LMNTD1: variants seen among roughly 807,000 people sequenced by gnomAD.
The protein encoded by LMNTD1 is lamin tail domain containing 1.
A neutral mutation model predicts 50.9 loss-of-function variants in LMNTD1; 35 were observed. The ratio of observed to expected loss-of-function variants is 0.69; its 90% CI spans 0.53 to 0.91. LMNTD1 has a LOEUF of 0.91. Among genes scored for constraint, LMNTD1 ranks in the 40% least tolerant of loss-of-function variants. The pLI, the probability that LMNTD1 is intolerant of heterozygous loss-of-function variation, is 0.00. For missense variants in LMNTD1, 470 were observed against 475.5 expected (o/e 0.99, Z 0.11); for synonymous variants, 153 against 161.9 (o/e 0.94, Z 0.42).
At chr12:25,580,921 C>T (rs1945253866) in intron 1 of LMNTD1, among the ~76,000 whole-genome samples, 1 of 152,184 alleles carries the variant, frequency 6.6e-6, no homozygotes, top group Non-Finnish European at 1.5e-5. Context: ...GGATACCTCC[C>T]TTACCGGGTT....
At chr12:25,620,809 T>C (rs1186283597) in intron 1 of LMNTD1, among the ~76,000 whole-genome samples, 1 of 152,248 alleles carries the variant, frequency 6.6e-6, no homozygotes, top group Non-Finnish European at 1.5e-5. Context: ...ATTTGCTCTA[T>C]TAATGTCAAT....
chr12:25,505,491 A>C (rs1048402114), intron 8 of LMNTD1, among the ~76,000 whole-genome samples: 1 of 152,170 alleles, frequency 6.6e-6, no homozygotes, highest in African/African-American at 2.4e-5. Flanking sequence ...GCAGCACATA[A>C]ACTGTTCTTA....
intron 4 of LMNTD1, among the ~76,000 whole-genome samples, chr12:25,537,603 T>C (rs980762783): frequency 1.3e-4 from 19 of 151,534 alleles, no homozygotes; most frequent in Non-Finnish European, 2.2e-4. Flanking sequence ...CAAAAGTAGA[T>C]AAAACCACAA....
chr12:25,552,295 A>G (rs192553534), intron 2 of LMNTD1, among the ~76,000 whole-genome samples: 391 of 152,236 alleles, frequency 2.6e-3, no homozygotes, highest in Admixed American at 6.4e-3. Context: ...GAAAGAAACT[A>G]TTTCTGTAAA....
At chr12:25,537,951 T>C (rs1056048643) in intron 4 of LMNTD1, among the ~76,000 whole-genome samples, 6 of 148,508 alleles carry the variant, frequency 4.0e-5, no homozygotes, top group African/African-American at 1.5e-4. Flanking sequence ...GCCGATGCGA[T>C]CAACTGGAAG....
At chr12:25,637,201 G>T (rs1946854081) in intron 1 of LMNTD1, among the ~76,000 whole-genome samples, 1 of 152,082 alleles carries the variant, frequency 6.6e-6, no homozygotes, top group East Asian at 1.9e-4. Context: ...GACATTTAAA[G>T]AAACAGGAAA....
At chr12:25,620,593 C>T (rs1162540140) in intron 1 of LMNTD1, among the ~76,000 whole-genome samples, 1 of 152,216 alleles carries the variant, frequency 6.6e-6, no homozygotes, top group Non-Finnish European at 1.5e-5. Context: ...GACTCTTCCA[C>T]GTGTCTATGA....
intron 4 of LMNTD1, among the ~76,000 whole-genome samples, chr12:25,536,480 T>C (rs1442356016): frequency 6.6e-6 from 1 of 152,012 alleles, no homozygotes; most frequent in African/African-American, 2.4e-5. Context: ...AATAACACAC[T>C]TTTCAATTAC....
chr12:25,602,676 T>C (rs894858134), intron 1 of LMNTD1, among the ~76,000 whole-genome samples: 1 of 152,044 alleles, frequency 6.6e-6, no homozygotes, highest in Admixed American at 6.6e-5. Flanking sequence ...CAACTGCCTT[T>C]AGACTCCAAT....
chr12:25,618,667 C>G (rs1169170507), intron 1 of LMNTD1, among the ~76,000 whole-genome samples: 1 of 152,096 alleles, frequency 6.6e-6, no homozygotes, highest in East Asian at 1.9e-4. Flanking sequence ...CAAGGTTGAA[C>G]AGAAAACAAG....
intron 3 of LMNTD1, among the ~76,000 whole-genome samples, chr12:25,549,083 C>T (rs567326727): frequency 6.6e-6 from 1 of 151,972 alleles, no homozygotes; most frequent in Admixed American, 6.6e-5. Flanking sequence ...ATCATGATAA[C>T]TCAAGATACC....
intron 2 of LMNTD1, among the ~76,000 whole-genome samples, chr12:25,552,567 A>T: frequency 9.5e-6 from 1 of 105,646 alleles, no homozygotes; most frequent in African/African-American, 3.4e-5. Flanking sequence ...AGATCGCGCC[A>T]CTGCACTCTG....
chr12:25,484,509 A>C (rs1354532434), intron 9 of LMNTD1, among the ~76,000 whole-genome samples: 1 of 151,812 alleles, frequency 6.6e-6, no homozygotes, highest in Admixed American at 6.6e-5. Context: ...TTTTAAATTT[A>C]TTTTTTTATT....
rs548763644 is a variant in LMNTD1, at chr12:25,635,107, G to A, written c.58+13387C>T. Among the ~76,000 whole-genome samples the A allele has an allele frequency of 2.6e-5, 4 of 152,034 alleles. No homozygotes were observed. In the East Asian group the frequency reaches 7.7e-4, roughly 29 times the overall value. ...AATACAAAATTAGCCGGGCATCGTG[G>A]CACATGCCTGTAATCCCAGCTACTC... On this transcript the variant is annotated intron_variant, in intron 1 of 7. Coordinates refer to the LMNTD1 transcript ENST00000445693.
intron 1 of LMNTD1, among the ~76,000 whole-genome samples, chr12:25,580,765 T>G (rs191729625): frequency 2.0e-4 from 30 of 152,322 alleles, no homozygotes; most frequent in Admixed American, 2.6e-4. Context: ...TGACTTTTCC[T>G]TCTTTGAACC....
chr12:25,608,030 C>A (rs1232777575), intron 1 of LMNTD1, among the ~76,000 whole-genome samples: 4 of 152,080 alleles, frequency 2.6e-5, no homozygotes, highest in Non-Finnish European at 5.9e-5. Context: ...GTATTGGGTG[C>A]ATATATATTT....
At chr12:25,629,809 A>G (rs1946674275) in intron 1 of LMNTD1, among the ~76,000 whole-genome samples, 1 of 152,188 alleles carries the variant, frequency 6.6e-6, no homozygotes, top group African/African-American at 2.4e-5. Flanking sequence ...ACAGAGAGAA[A>G]GAAAAATATA....
intron 1 of LMNTD1, among the ~76,000 whole-genome samples, chr12:25,645,217 G>A (rs1947041699): frequency 6.6e-6 from 1 of 152,240 alleles, no homozygotes; most frequent in Admixed American, 6.5e-5. Flanking sequence ...AGGGAGAGTG[G>A]GGCCAGAAAA....
intron 9 of LMNTD1, among the ~76,000 whole-genome samples, chr12:25,482,211 G>A (rs1455360230): frequency 6.6e-6 from 1 of 151,958 alleles, no homozygotes; most frequent in African/African-American, 2.4e-5. Context: ...TGATGAACTG[G>A]CTGTGTTTGA....
Sources: allele counts gnomAD v4.1 joint callset (sites outside exome capture counted in the v4.1 genomes callset), GRCh38; gene constraint gnomAD v4.1.1; transcripts MANE v1.5; gene names NCBI Gene and HGNC (gene_info 2026-07-23, HGNC 2026-07-21).